Variants in RALYL observed in about 807,000 individuals in gnomAD.
The protein encoded by RALYL is RALY RNA binding protein like.
In RALYL, 29 loss-of-function variants were observed where a neutral mutation model predicts 35.1. The ratio of observed to expected loss-of-function variants is 0.83; its 90% CI spans 0.61 to 1.13. The LOEUF (loss-of-function observed/expected upper bound fraction) is 1.13, where lower values mean the gene tolerates loss of function less well. Ranked by LOEUF, RALYL falls within the 50% of genes most tolerant of loss-of-function variation. The probability of loss-of-function intolerance (pLI) is 0.00; values close to 1 mark genes in which losing one functional copy is unlikely to be tolerated. For missense variants in RALYL, 359 were observed against 360.4 expected, an observed-to-expected ratio of 1.00 and a Z score of 0.03; for synonymous variants, 120 against 127.6, an observed-to-expected ratio of 0.94 and a Z score of 0.40.
At chr8:84,793,038 G>C (rs1821159354) in intron 3 of RALYL, among the ~76,000 whole-genome samples, 1 of 152,182 alleles carries the variant, frequency 6.6e-6, no homozygotes, top group Non-Finnish European at 1.5e-5. Context: ...TGATGGGAAA[G>C]ACTGACAGAA....
At chr8:84,505,266 T>G (rs1467749209) in intron 1 of RALYL, among the ~76,000 whole-genome samples, 3 of 152,172 alleles carry the variant, frequency 2.0e-5, no homozygotes, top group African/African-American at 7.2e-5. Context: ...ATTTTCCTTA[T>G]GTGACAAATT....
intron 8 of RALYL, among the ~76,000 whole-genome samples, chr8:84,906,575 T>A (rs1008311465): frequency 1.3e-5 from 2 of 152,098 alleles, no homozygotes; most frequent in Admixed American, 6.6e-5. Context: ...GGCACTTTTC[T>A]TCCCCAACTT....
At chr8:84,812,512 T>A (rs565610591) in intron 4 of RALYL, among the ~76,000 whole-genome samples, 1 of 152,214 alleles carries the variant, frequency 6.6e-6, no homozygotes, top group South Asian at 2.1e-4. Flanking sequence ...ATGCCCTTTG[T>A]CTTCAGCTAC....
chr8:84,459,588 T>A (rs2050515727), intron 1 of RALYL, among the ~76,000 whole-genome samples: 1 of 151,724 alleles, frequency 6.6e-6, no homozygotes, highest in Admixed American at 6.6e-5. Flanking sequence ...AATGGAGGAA[T>A]GGAGGCATGG....
chr8:84,552,559 A>C (rs2060820569), intron 2 of RALYL, among the ~76,000 whole-genome samples: 1 of 151,444 alleles, frequency 6.6e-6, no homozygotes, highest in Non-Finnish European at 1.5e-5. Flanking sequence ...CTTATAAGCT[A>C]AAGTTAACAC....
intron 3 of RALYL, among the ~76,000 whole-genome samples, chr8:84,801,510 T>G (rs1232434127): frequency 6.6e-6 from 1 of 152,146 alleles, no homozygotes; most frequent in Non-Finnish European, 1.5e-5. Context: ...ATAGTGATGG[T>G]GATGATAAGT....
At chr8:84,390,654 T>C (rs899693481) in intron 1 of RALYL, among the ~76,000 whole-genome samples, 6 of 152,224 alleles carry the variant, frequency 3.9e-5, no homozygotes, top group African/African-American at 1.4e-4. Context: ...TAATCTCTGA[T>C]GGTAGTTTCT....
chr8:84,295,849 G>T (rs886074545), intron 1 of RALYL, among the ~76,000 whole-genome samples: 1 of 151,968 alleles, frequency 6.6e-6, no homozygotes, highest in African/African-American at 2.4e-5. Context: ...CTTCCTAAAG[G>T]TGTTCTCTAT....
At chr8:84,416,042 T>G (rs1258825372) in intron 1 of RALYL, among the ~76,000 whole-genome samples, 1 of 152,218 alleles carries the variant, frequency 6.6e-6, no homozygotes, top group Non-Finnish European at 1.5e-5. Flanking sequence ...TAGATATGTT[T>G]GTATCATATA....
intron 1 of RALYL, among the ~76,000 whole-genome samples, chr8:84,486,545 C>T (rs185364431): frequency 2.4e-3 from 366 of 151,868 alleles, no homozygotes; most frequent in African/African-American, 8.3e-3. Flanking sequence ...TGTCTATGCT[C>T]ATATTTGGTC....
At chr8:84,843,255 C>T (rs1034236944) in intron 4 of RALYL, among the ~76,000 whole-genome samples, 4 of 152,252 alleles carry the variant, frequency 2.6e-5, no homozygotes, top group African/African-American at 9.6e-5. Flanking sequence ...AGCTGATAGG[C>T]AACTTCAGCA....
At chr8:84,354,808 T>C (rs552974909) in intron 1 of RALYL, among the ~76,000 whole-genome samples, 1 of 150,206 alleles carries the variant, frequency 6.7e-6, no homozygotes, top group African/African-American at 2.5e-5. Flanking sequence ...TTTATTACAC[T>C]GAGAGCTTAA....
At chr8:84,260,509 G>A (rs1224107950) in intron 1 of RALYL, among the ~76,000 whole-genome samples, 1 of 152,140 alleles carries the variant, frequency 6.6e-6, no homozygotes, top group African/African-American at 2.4e-5. Context: ...GAAGCTGCCA[G>A]CCTGATTAAG....
intron 1 of RALYL, among the ~76,000 whole-genome samples, chr8:84,294,848 T>A (rs1437435032): frequency 1.3e-5 from 2 of 152,024 alleles, no homozygotes; most frequent in Non-Finnish European, 2.9e-5. Context: ...GTGGGCAACC[T>A]AGAATGGGAG....
intron 2 of RALYL, among the ~76,000 whole-genome samples, chr8:84,598,689 A>G (rs150945533): frequency 2.3e-3 from 350 of 152,306 alleles, no homozygotes; most frequent in African/African-American, 5.2e-3. Flanking sequence ...TTTACATAAT[A>G]CTATAAACAG....
intron 2 of RALYL, among the ~76,000 whole-genome samples, chr8:84,725,436 T>G (rs1343414159): frequency 6.6e-6 from 1 of 151,768 alleles, no homozygotes; most frequent in Admixed American, 6.6e-5. Context: ...AAACAGTAAC[T>G]TTGATAATAT....
At chr8:84,685,549 C>T (rs1302841643) in intron 2 of RALYL, among the ~76,000 whole-genome samples, 1 of 152,114 alleles carries the variant, frequency 6.6e-6, no homozygotes, top group Non-Finnish European at 1.5e-5. Context: ...ATAAATGCAA[C>T]TCAGTATGCT....
chr8:84,296,475 C>T (rs1426442984), intron 1 of RALYL, among the ~76,000 whole-genome samples: 2 of 151,960 alleles, frequency 1.3e-5, no homozygotes, highest in African/African-American at 2.4e-5. Flanking sequence ...GTTCATCTTT[C>T]CTTTCCTTTG....
chr8:84,475,514 A>T (rs1181269388), intron 1 of RALYL, among the ~76,000 whole-genome samples: 1 of 152,216 alleles, frequency 6.6e-6, no homozygotes, highest in East Asian at 1.9e-4. Context: ...CTAATATAAA[A>T]TTTTTGAAGG....
Sources: gnomAD v4.1 joint callset for allele counts (sites outside exome capture counted in the v4.1 genomes callset) on GRCh38, gnomAD v4.1.1 for gene constraint, MANE v1.5 for transcripts, NCBI Gene and HGNC (gene_info 2026-07-23, HGNC 2026-07-21) for gene names.